Variants in TNK2 observed in about 807,000 individuals in gnomAD.
TNK2 encodes the protein activated CDC42 kinase 1.
Under a neutral mutation model 101.8 loss-of-function variants are expected in TNK2, and 83 were observed. The observed-to-expected ratio is 0.82, with a 90% CI of 0.68 to 0.98. TNK2 has a LOEUF of 0.98. Among genes scored for constraint, TNK2 ranks in the 50% least tolerant of loss-of-function variants. The probability of loss-of-function intolerance (pLI) is 0.00; values close to 1 mark genes in which losing one functional copy is unlikely to be tolerated. For synonymous variants in TNK2, 804 were observed against 633.0 expected (o/e 1.27, Z -4.06); for missense variants, 1,665 against 1,483.2 (o/e 1.12, Z -2.01).
intron 9 of TNK2, among the ~76,000 whole-genome samples, chr3:195,875,749 G>A (rs1323266300): frequency 2.6e-5 from 4 of 152,166 alleles, no homozygotes; most frequent in Non-Finnish European, 5.9e-5. Context: ...GGGCGGATGA[G>A]GACTTCCTGG....
intron 9 of TNK2, among the ~76,000 whole-genome samples, chr3:195,876,076 C>G (rs1427304457): frequency 6.6e-6 from 1 of 152,210 alleles, no homozygotes; most frequent in African/African-American, 2.4e-5. Context: ...AGCCGAGGCT[C>G]CAGGGCCAGA....
At chr3:195,873,429 G>A (rs891207518) in intron 9 of TNK2, among the ~76,000 whole-genome samples, 3 of 131,672 alleles carry the variant, frequency 2.3e-5, no homozygotes, top group Non-Finnish European at 3.3e-5. Context: ...AGGCGGGGGC[G>A]GTGAGAGCCC....
At chr3:195,869,784 G>T in intron 11 of TNK2, 1 of 595,922 alleles carries the variant, frequency 1.7e-6, no homozygotes, top group Non-Finnish European at 3.0e-6. Flanking sequence ...AGCCGGAGCC[G>T]TGGGGTGGTT....
At chr3:195,887,099 G>A (rs555350876) in intron 2 of TNK2, 52 bp from the exon 3 acceptor site, 2 of 1,592,368 alleles carry the variant, frequency 1.3e-6, no homozygotes, top group Admixed American at 1.7e-5. Context: ...TAGCCCGAGA[G>A]AGGCTGCTGC....
At chr3:195,870,365 A>G in intron 10 of TNK2, 160 bp from the exon 11 acceptor site, 1 of 1,490,966 alleles carries the variant, frequency 6.7e-7, no homozygotes, top group Non-Finnish European at 9.0e-7. Flanking sequence ...CGCACGTCTC[A>G]GCTGGGGGGT....
Position 195,882,507 on chromosome 3 carries a change from G to A in TNK2, c.610-179C>T. ...GCAGTTTCTCAGGCCTCTCCCTCGAGGCAATTTGGGAAACTGATGCCTAGA... is the reference window on the plus strand; with the variant it reads ...GCAGTTTCTCAGGCCTCTCCCTCGAAGCAATTTGGGAAACTGATGCCTAGA... On this transcript the variant is annotated intron_variant, in intron 5 of 15. Coordinates refer to ENST00000672887, the MANE Select transcript of TNK2 (RefSeq NM_001382273.1). This position sits in a 1 kb window ranked among gnomAD's most constrained non-coding sequence, Gnocchi z 4.2. 6.5e-7 allele frequency: 1 copy of A among 1,537,154 alleles called. No homozygotes were observed. The highest frequency in any genetic ancestry group is 8.7e-7 in the Non-Finnish European group (1 of 1,146,328).
chr3:195,869,823 G>C, intron 11 of TNK2: 1 of 572,494 alleles, frequency 1.7e-6, no homozygotes, highest in East Asian at 2.8e-5. Flanking sequence ...GCAGGATTAG[G>C]GGGAAGTGAG....
chr3:195,868,042 G>A lies in TNK2; in HGVS notation c.2256C>T (p.Pro752=). ...PSPSPGGDDK[P]QVPPRVPIPP... is the part of the protein sequence containing the mutation. ...GGATGGGTACCCGAGGAGGCACCTG[G>A]GGCTTGTCGTCACCCCCCGGGCTGG... Residue 752 remains proline (P), a synonymous_variant, in exon 13 of 16, where the codon CCC becomes CCT. Transcript: ENST00000672887. 6.3e-7 allele frequency: 1 copy of A among 1,596,008 alleles called. No homozygotes were observed. The highest frequency in any genetic ancestry group is 1.1e-5 in the South Asian group (1 of 89,378).
At chr3:195,869,347 A>C in intron 12 of TNK2, 150 bp downstream of exon 12, 1 of 836,136 alleles carries the variant, frequency 1.2e-6, no homozygotes, top group Non-Finnish European at 1.9e-6. Flanking sequence ...GGGGGCAGGC[A>C]TGCTAGGCCA....
At chr3:195,898,455 A>G (rs9871110) in intron 1 of TNK2, among the ~76,000 whole-genome samples, 90,607 of 152,016 alleles carry the variant, frequency 0.6, 27,914 homozygotes, top group African/African-American at 0.76. Context: ...TGCTGTTACT[A>G]TGGGCCCTTC....
chr3:195,879,470 T>A, intron 6 of TNK2: 1 of 300,236 alleles, frequency 3.3e-6, no homozygotes, highest in South Asian at 4.8e-5. Flanking sequence ...GGCTCTGGGA[T>A]GGGGCAGGGA....
intron 1 of TNK2, among the ~76,000 whole-genome samples, chr3:195,903,801 G>A (rs1227241622): frequency 6.6e-6 from 1 of 152,166 alleles, no homozygotes; most frequent in Non-Finnish European, 1.5e-5. Context: ...GATCAGAAAG[G>A]AGGAAGTAAA....
chr3:195,868,417 C>A lies in TNK2; in HGVS notation c.1881G>T (p.Leu627=), dbSNP rs998895159. 46 of 1,575,064 alleles carry A rather than the reference C, an allele frequency of 2.9e-5. No homozygotes were observed. Among genetic ancestry groups the A allele is most frequent in the Non-Finnish European group, 3.9e-5 (45 of 1,167,708 alleles). Residue 627 remains leucine, a synonymous_variant, in exon 13 of 16, where the codon CTG becomes CTT. Coordinates refer to ENST00000672887, the MANE Select transcript of TNK2 (RefSeq NM_001382273.1). Reference sequence around the variant, plus strand: ...CAGGCGTGGGGTGCAGGGGCCGGGGCAGTGCCCGCGTGGGGCTCTGAGGCG... The same window carrying A: ...CAGGCGTGGGGTGCAGGGGCCGGGGAAGTGCCCGCGTGGGGCTCTGAGGCG... The part of the protein sequence containing the change: ...ETPPQSPTRA[L]PRPLHPTPVV...
At chr3:195,868,746 C>A in intron 12 of TNK2, 37 bp from the exon 13 acceptor site, 1 of 1,516,844 alleles carries the variant, frequency 6.6e-7, no homozygotes, top group Non-Finnish European at 8.8e-7. Context: ...GGAAGGCAGT[C>A]AGGCAGGGTC....
chr3:195,880,061 C>T lies in TNK2; in HGVS notation c.888-886G>A, dbSNP rs116140673. On this transcript the variant is annotated intron_variant, in intron 6 of 15. Coordinates refer to ENST00000672887, the MANE Select transcript of TNK2 (RefSeq NM_001382273.1). ...CGTCCTGGATCATAAGGGTTGCCCA[C>T]AGCCACCGCTTGGGAAAGCAGAACT... is the stretch of plus-strand genomic sequence containing the variant. Among the ~76,000 whole-genome samples, 357 of 152,260 alleles carry T rather than the reference C, an allele frequency of 2.3e-3. 2 individuals carry two copies. The highest frequency in any genetic ancestry group is 8.1e-3 in the African/African-American group (336 of 41,520).
chr3:195,902,374 G>T (rs1051615499), intron 1 of TNK2, among the ~76,000 whole-genome samples: 2 of 152,092 alleles, frequency 1.3e-5, no homozygotes, highest in Non-Finnish European at 2.9e-5. Flanking sequence ...TCCCAGCACT[G>T]TGGGAGGCCG....
In TNK2 at chr3:195,867,724, G is replaced by A. The variant is rs529344479; in HGVS notation, c.2574C>T (p.Cys858=). The A allele has an allele frequency of 5.6e-6, 9 of 1,604,856 alleles. No homozygotes were observed. The East Asian group carries it at 2.0e-4, about 36-fold the overall frequency. ...TGCCATCCCGGACGATGGGCAGGAT[G>A]CAGGGACCAGCCCGCGGGCCAGGGG... is the stretch of plus-strand genomic sequence containing the variant. ...IQAPGPRAGP[C]ILPIVRDGKK... The change falls in exon 13 of 16, where the codon TGC becomes TGT. Residue 858 remains cysteine (C), a synonymous_variant. Coordinates refer to ENST00000672887, the MANE Select transcript of TNK2 (RefSeq NM_001382273.1).
intron 1 of TNK2, among the ~76,000 whole-genome samples, chr3:195,898,662 G>A (rs1760902304): frequency 3.1e-5 from 3 of 96,976 alleles, no homozygotes; most frequent in Non-Finnish European, 5.0e-5. Flanking sequence ...GTCTTGCTCT[G>A]TTGCCCAGGC....
At position 195,868,651 on chromosome 3, in the gene TNK2, C is replaced by A; in HGVS notation, c.1647G>T (p.Arg549Ser). ...GCAGGCCTGGCTTCCGCAGGCCCAG[C>A]CTCTTGAAGTCGCTGGACAAGGGGT... ...DQDPLSSDFK[R>S]LGLRKPGLPR... Residue 549 changes from arginine to serine, a missense_variant, in exon 13 of 16, where the codon AGG becomes AGT. Physicochemically the swap from Arg to Ser is moderately radical, Grantham distance 110. Transcript: ENST00000672887. The A allele has an allele frequency of 1.3e-6, 2 of 1,594,002 alleles. No individual in the cohort carries two copies. Among genetic ancestry groups the A allele is most frequent in the Admixed American group, 1.7e-5 (1 of 59,536 alleles).
Sources: gnomAD v4.1 joint callset for allele counts (sites outside exome capture counted in the v4.1 genomes callset) on GRCh38, gnomAD v4.1.1 for gene constraint, Gnocchi (gnomAD v3.1) non-coding constraint, MANE v1.5 for transcripts, NCBI Gene and HGNC (gene_info 2026-07-23, HGNC 2026-07-21) for gene names.